The following CHSY3 variants were observed in gnomAD, a reference collection of about 807,000 sequenced individuals.
CHSY3 encodes N-acetylgalactosaminyl-proteoglycan 3-beta-glucuronosyltransferase 3.
A neutral mutation model predicts 67.2 loss-of-function variants in CHSY3; 35 were observed. That is an observed-to-expected ratio of 0.52 (90% CI 0.40 to 0.69). CHSY3 has a LOEUF of 0.69. Among genes scored for constraint, CHSY3 ranks in the 30% least tolerant of loss-of-function variants. CHSY3 has a pLI of 0.00. For missense variants in CHSY3, 1,069 were observed against 1,138.5 expected (o/e 0.94, Z 0.88); for synonymous variants, 474 against 434.7 (o/e 1.09, Z -1.12).
intron 2 of CHSY3, among the ~76,000 whole-genome samples, chr5:130,136,275 A>G (rs1316844041): frequency 6.6e-6 from 1 of 152,208 alleles, no homozygotes; most frequent in Non-Finnish European, 1.5e-5. Context: ...AGGAAGAAGG[A>G]ATAAGTCACT....
At chr5:129,994,749 G>T (rs1763482079) in intron 2 of CHSY3, among the ~76,000 whole-genome samples, 1 of 152,070 alleles carries the variant, frequency 6.6e-6, no homozygotes, top group South Asian at 2.1e-4. Flanking sequence ...CGTTTGTAGG[G>T]ACATGGATGA....
At chr5:130,046,973 A>G (rs990869116) in intron 2 of CHSY3, among the ~76,000 whole-genome samples, 1 of 151,652 alleles carries the variant, frequency 6.6e-6, no homozygotes, top group Admixed American at 6.6e-5. Context: ...AATTTAAAAT[A>G]TGGTATTGTT....
At chr5:129,958,844 T>C (rs1240032156) in intron 2 of CHSY3, among the ~76,000 whole-genome samples, 1 of 152,156 alleles carries the variant, frequency 6.6e-6, no homozygotes, top group African/African-American at 2.4e-5. Context: ...TGCAGATGTC[T>C]TCTTTGTAAG....
At chr5:130,016,305 G>A (rs1764217634) in intron 2 of CHSY3, among the ~76,000 whole-genome samples, 1 of 152,230 alleles carries the variant, frequency 6.6e-6, no homozygotes, top group Admixed American at 6.5e-5. Flanking sequence ...TATCCATATT[G>A]TATGTAGACA....
chr5:130,076,141 A>T (rs985655911), intron 2 of CHSY3, among the ~76,000 whole-genome samples: 1 of 152,036 alleles, frequency 6.6e-6, no homozygotes, highest in Non-Finnish European at 1.5e-5. Context: ...ATGCGCTTGC[A>T]TATATATTTT....
At chr5:129,974,208 C>A (rs1762726956) in intron 2 of CHSY3, among the ~76,000 whole-genome samples, 1 of 152,120 alleles carries the variant, frequency 6.6e-6, no homozygotes, top group African/African-American at 2.4e-5. Context: ...GCCCTTTACA[C>A]TGATCTGGTT....
chr5:130,017,995 G>C (rs1015577572), intron 2 of CHSY3, among the ~76,000 whole-genome samples: 1 of 152,150 alleles, frequency 6.6e-6, no homozygotes, highest in African/African-American at 2.4e-5. Context: ...TTCGGTTTCT[G>C]TGCCCACTGT....
At chr5:130,158,503 T>C (rs575304366) in intron 2 of CHSY3, among the ~76,000 whole-genome samples, 1 of 152,326 alleles carries the variant, frequency 6.6e-6, no homozygotes, top group East Asian at 1.9e-4. Flanking sequence ...TTAATGTCAA[T>C]TTCCCAGTTT....
chr5:130,088,761 T>C, intron 2 of CHSY3, among the ~76,000 whole-genome samples: 1 of 152,158 alleles, frequency 6.6e-6, no homozygotes. Context: ...GGAACACTTT[T>C]ACATTGTTGG....
intron 2 of CHSY3, among the ~76,000 whole-genome samples, chr5:130,131,862 C>T (rs1375171759): frequency 6.6e-6 from 1 of 152,158 alleles, no homozygotes; most frequent in Non-Finnish European, 1.5e-5. Context: ...AAACTCTCCT[C>T]TTCTTGTGGA....
Position 130,184,674 on chromosome 5 carries a change from A to G in CHSY3, c.1532A>G (p.Lys511Arg), listed in dbSNP as rs1320028684. ...ATGGAGATGATCAATGAGAATGCCA[A>G]GAGCAGAGGACGGCTCATTGACTTC... ...QVMEMINENA[K>R]SRGRLIDFKE... Residue 511 changes from lysine (K) to arginine (R), a missense_variant, in exon 3 of 3, where the codon AAG (lysine) becomes AGG (arginine). Lys to Arg is a conservative substitution (Grantham distance 26). Coordinates refer to ENST00000305031, the MANE Select transcript of CHSY3 (RefSeq NM_175856.5). 5 of 1,606,274 alleles carry G rather than the reference A, an allele frequency of 3.1e-6. No homozygotes were observed. In the African/African-American group the frequency reaches 5.4e-5, roughly 17 times the overall value.
chr5:130,061,071 C>T (rs1765696875), intron 2 of CHSY3, among the ~76,000 whole-genome samples: 1 of 151,996 alleles, frequency 6.6e-6, no homozygotes, highest in African/African-American at 2.4e-5. Context: ...TCCTAAAGTT[C>T]ATATGGAACC....
At chr5:129,976,170 G>GA (rs1188565409) in intron 2 of CHSY3, among the ~76,000 whole-genome samples, 5 of 152,160 alleles carry the variant, frequency 3.3e-5, no homozygotes, top group Non-Finnish European at 7.4e-5. Context: ...CTACAGATGT[G>GA]AAAAATGAGT....
chr5:129,966,728 C>T (rs1762478102), intron 2 of CHSY3, among the ~76,000 whole-genome samples: 1 of 151,608 alleles, frequency 6.6e-6, no homozygotes, highest in Non-Finnish European at 1.5e-5. Flanking sequence ...CCAGTGTCTG[C>T]TCGAAGGAAA....
chr5:130,018,997 G>T (rs1230819197), intron 2 of CHSY3, among the ~76,000 whole-genome samples: 1 of 152,018 alleles, frequency 6.6e-6, no homozygotes, highest in Non-Finnish European at 1.5e-5. Context: ...GCCGCCCAAA[G>T]ACCCTCACCA....
chr5:129,912,214 GTTA>G (rs1366244709), intron 2 of CHSY3, among the ~76,000 whole-genome samples: 1 of 152,072 alleles, frequency 6.6e-6, no homozygotes, highest in African/African-American at 2.4e-5. Context: ...TACTTAACAA[GTTA>G]TTATTTAATA....
intron 2 of CHSY3, among the ~76,000 whole-genome samples, chr5:129,953,937 C>G (rs1365486439): frequency 6.6e-6 from 1 of 152,084 alleles, no homozygotes; most frequent in Non-Finnish European, 1.5e-5. Context: ...GTTGCCTGTT[C>G]ACTCTGATGA....
chr5:130,060,525 G>T (rs1243863478), intron 2 of CHSY3, among the ~76,000 whole-genome samples: 1 of 152,072 alleles, frequency 6.6e-6, no homozygotes, highest in East Asian at 1.9e-4. Context: ...GCTACTCTTA[G>T]CTCTTTCATT....
intron 1 of CHSY3, among the ~76,000 whole-genome samples, chr5:129,906,728 A>T (rs1311074680): frequency 6.6e-6 from 1 of 152,104 alleles, no homozygotes; most frequent in East Asian, 1.9e-4. Flanking sequence ...TGTTTTCCAC[A>T]TTTCCTTGCT....
Sources: allele counts gnomAD v4.1 joint callset (sites outside exome capture counted in the v4.1 genomes callset), GRCh38; gene constraint gnomAD v4.1.1; transcripts MANE v1.5; gene names NCBI Gene and HGNC (gene_info 2026-07-23, HGNC 2026-07-21).